The following SOX5 variants were observed in gnomAD, a reference collection of about 807,000 sequenced individuals.
SOX5 encodes SRY-box transcription factor 5.
Under a neutral mutation model 92.0 loss-of-function variants are expected in SOX5, and 9 were observed. The ratio of observed to expected loss-of-function variants is 0.10; its 90% CI spans 0.06 to 0.17. The LOEUF (loss-of-function observed/expected upper bound fraction) is 0.17. SOX5 is among the 10% of genes least tolerant of loss of function. The pLI, the probability that SOX5 is intolerant of heterozygous loss-of-function variation, is 1.00. For synonymous variants in SOX5, 344 were observed against 336.3 expected, an observed-to-expected ratio of 1.02 and a Z score of -0.25; for missense variants, 642 against 944.5, an observed-to-expected ratio of 0.68 and a Z score of 4.20.
At chr12:24,019,647 TG>T (rs1954065901) in intron 4 of SOX5, among the ~76,000 whole-genome samples, 1 of 152,180 alleles carries the variant, frequency 6.6e-6, no homozygotes, top group Admixed American at 6.6e-5. Flanking sequence ...GTCAGACACT[TG>T]GAGGTAGGAG....
chr12:23,566,627 C>A (rs149209681), intron 10 of SOX5, among the ~76,000 whole-genome samples: 1 of 152,286 alleles, frequency 6.6e-6, no homozygotes, highest in Non-Finnish European at 1.5e-5. Context: ...CTAGCTTTGA[C>A]ACTTACTAGG....
At chr12:24,484,729 T>C (rs1946341943) in intron 1 of SOX5, among the ~76,000 whole-genome samples, 1 of 152,208 alleles carries the variant, frequency 6.6e-6, no homozygotes, top group Admixed American at 6.5e-5. Context: ...GTCAAAAACA[T>C]TTCTGAAATC....
chr12:24,069,064 GAAAAT>G (rs1225683856), intron 4 of SOX5, among the ~76,000 whole-genome samples: 1 of 151,388 alleles, frequency 6.6e-6, no homozygotes, highest in Admixed American at 6.6e-5. Context: ...TGCATAATCA[GAAAAT>G]AATATTTTGC....
At chr12:23,637,450 A>G (rs1197453482) in intron 8 of SOX5, among the ~76,000 whole-genome samples, 3 of 152,166 alleles carry the variant, frequency 2.0e-5, no homozygotes, top group Non-Finnish European at 4.4e-5. Flanking sequence ...TCCCCTCATT[A>G]AAACCTTGCT....
chr12:23,687,176 G>A (rs1303697742), intron 6 of SOX5, among the ~76,000 whole-genome samples: 1 of 151,930 alleles, frequency 6.6e-6, no homozygotes, highest in Non-Finnish European at 1.5e-5. Flanking sequence ...CAAAAAAATT[G>A]AATGGGCCTA....
chr12:24,202,219 T>A (rs565112294), intron 4 of SOX5, among the ~76,000 whole-genome samples: 1 of 152,328 alleles, frequency 6.6e-6, no homozygotes, highest in South Asian at 2.1e-4. Flanking sequence ...ATCACTCTAT[T>A]ACAATTCTCC....
intron 8 of SOX5, among the ~76,000 whole-genome samples, chr12:23,609,548 C>A (rs2075699641): frequency 1.3e-5 from 2 of 152,226 alleles, no homozygotes; most frequent in Non-Finnish European, 2.9e-5. Flanking sequence ...AACAGAGGAA[C>A]AGGATGATAA....
At chr12:24,436,004 G>A (rs1939358556) in intron 1 of SOX5, among the ~76,000 whole-genome samples, 1 of 152,124 alleles carries the variant, frequency 6.6e-6, no homozygotes, top group African/African-American at 2.4e-5. Flanking sequence ...GTATAAGAAG[G>A]CAAACTTAAT....
At chr12:24,165,778 TAGA>T (rs1266386445) in intron 4 of SOX5, among the ~76,000 whole-genome samples, 3 of 152,076 alleles carry the variant, frequency 2.0e-5, no homozygotes, top group Non-Finnish European at 2.9e-5. Flanking sequence ...GAAAGGGCTG[TAGA>T]AGATCATCTT....
intron 4 of SOX5, among the ~76,000 whole-genome samples, chr12:23,988,146 A>C (rs544874952): frequency 6.6e-6 from 1 of 152,352 alleles, no homozygotes; most frequent in East Asian, 1.9e-4. Flanking sequence ...AAAAGTATTC[A>C]GGAGATCATG....
At chr12:23,870,818 A>G (rs1293841685) in intron 2 of SOX5, among the ~76,000 whole-genome samples, 1 of 152,076 alleles carries the variant, frequency 6.6e-6, no homozygotes. Flanking sequence ...CTGATCGTTC[A>G]AGTTTTTTTC....
chr12:23,598,190 A>G (rs1952782633), intron 9 of SOX5, among the ~76,000 whole-genome samples: 1 of 152,224 alleles, frequency 6.6e-6, no homozygotes. Flanking sequence ...ACTTTAACAT[A>G]TTGGAAATAA....
At chr12:24,063,874 C>T (rs1244540238) in intron 4 of SOX5, among the ~76,000 whole-genome samples, 1 of 152,058 alleles carries the variant, frequency 6.6e-6, no homozygotes, top group Non-Finnish European at 1.5e-5. Flanking sequence ...TCTGTAATGA[C>T]ATATATGTCT....
At position 24,249,809 on chromosome 12, in the gene SOX5, A is replaced by C. The variant is rs147268779; in HGVS notation, c.-77+27407T>G. Among the ~76,000 whole-genome samples the C allele has an allele frequency of 5.3e-5, 8 of 152,344 alleles. No individual in the cohort carries two copies. The East Asian group carries it at 1.5e-3, about 29-fold the overall frequency. ...CCATTAAAATGGTACCAACACATTC[A>C]AATTAAATGGTCTTTTATATTTCAC... On this transcript the variant is annotated intron_variant, in intron 3 of 4. Transcript: ENST00000446891.
intron 4 of SOX5, among the ~76,000 whole-genome samples, chr12:23,754,305 A>T (rs1030453598): frequency 1.3e-5 from 2 of 151,896 alleles, no homozygotes; most frequent in African/African-American, 4.8e-5. Flanking sequence ...TACCTAGGTC[A>T]GAGGAGAATA....
intron 2 of SOX5, among the ~76,000 whole-genome samples, chr12:24,315,078 G>C (rs1363615351): frequency 6.6e-6 from 1 of 152,152 alleles, no homozygotes; most frequent in African/African-American, 2.4e-5. Context: ...TTAACATAAA[G>C]AAACTTCCCT....
chr12:23,545,276 C>G (rs1465877112), intron 12 of SOX5, among the ~76,000 whole-genome samples: 1 of 152,140 alleles, frequency 6.6e-6, no homozygotes, highest in Non-Finnish European at 1.5e-5. Flanking sequence ...CAGGGAACTT[C>G]CCTGTAGTAG....
chr12:24,075,108 A>C (rs1942377930), intron 4 of SOX5, among the ~76,000 whole-genome samples: 1 of 151,674 alleles, frequency 6.6e-6, no homozygotes, highest in African/African-American at 2.4e-5. Flanking sequence ...CAAAAAATAA[A>C]AAAAATAAAA....
intron 6 of SOX5, among the ~76,000 whole-genome samples, chr12:23,680,325 CAAAAAAA>C (rs57754255): frequency 1.9e-4 from 9 of 48,390 alleles, no homozygotes; most frequent in African/African-American, 7.1e-4. Flanking sequence ...GACCTTGTCT[CAAAAAAA>C]AAAAAAAAAA....
Sources: gnomAD v4.1 joint callset for allele counts (sites outside exome capture counted in the v4.1 genomes callset) on GRCh38, gnomAD v4.1.1 for gene constraint, MANE v1.5 for transcripts, NCBI Gene and HGNC (gene_info 2026-07-23, HGNC 2026-07-21) for gene names.